Variants in PLSCR5 observed in about 807,000 individuals in gnomAD.
PLSCR5 encodes the protein phospholipid scramblase family, member 5.
A neutral mutation model predicts 33.6 loss-of-function variants in PLSCR5; 44 were observed. The observed-to-expected ratio is 1.31, with a 90% CI of 1.03 to 1.69. The LOEUF (loss-of-function observed/expected upper bound fraction) is 1.69. PLSCR5 is among the 40% of genes most tolerant of loss of function. PLSCR5 has a pLI of 0.00. For synonymous variants in PLSCR5, 148 were observed against 112.3 expected, an observed-to-expected ratio of 1.32 and a Z score of -2.01; for missense variants, 375 against 318.7, an observed-to-expected ratio of 1.18 and a Z score of -1.34.
At chr3:146,596,109 A>C (rs2044758643) in intron 2 of PLSCR5, among the ~76,000 whole-genome samples, 2 of 152,242 alleles carry the variant, frequency 1.3e-5, no homozygotes, top group South Asian at 4.1e-4. Flanking sequence ...ATGATGATTA[A>C]ATTAAAAAAT....
chr3:146,591,668 CAA>C, intron 5 of PLSCR5, 50 bp downstream of exon 5: 1 of 1,490,224 alleles, frequency 6.7e-7, no homozygotes, highest in Non-Finnish European at 9.0e-7. Flanking sequence ...AATTATGTTG[CAA>C]AAAAAAATCA....
chr3:146,599,914 A>G (rs377528600), intron 2 of PLSCR5, among the ~76,000 whole-genome samples: 1 of 151,976 alleles, frequency 6.6e-6, no homozygotes, highest in South Asian at 2.1e-4. Flanking sequence ...TCCACATGCC[A>G]TGGGCTCCCA....
intron 2 of PLSCR5, among the ~76,000 whole-genome samples, chr3:146,598,373 T>C (rs2044780764): frequency 6.6e-6 from 1 of 152,192 alleles, no homozygotes; most frequent in South Asian, 2.1e-4. Context: ...ATATGTGCAC[T>C]GCTTTAAAGT....
chr3:146,584,420 G>C (rs1481429503), downstream of PLSCR5, among the ~76,000 whole-genome samples: 2 of 152,126 alleles, frequency 1.3e-5, no homozygotes, highest in Non-Finnish European at 2.9e-5. Context: ...AAAGGTTTTT[G>C]TTCCCTTCTA....
Position 146,600,323 on chromosome 3 carries a change from C to A in PLSCR5, c.154G>T (p.Val52Phe). 6.2e-7 allele frequency: 1 copy of A among 1,603,276 alleles called. No homozygotes were observed. The highest frequency in any genetic ancestry group is 8.5e-7 in the Non-Finnish European group (1 of 1,174,014). The change falls in exon 2 of 8, where the codon GTC becomes TTC. Residue 52 changes from valine (V) to phenylalanine (F), a missense_variant. By Grantham distance (50) the Val-to-Phe change is conservative. Transcript: ENST00000443512. ...LPLPSSFLPT[V>F]SLPPGLEYLS... ...TATTCTAGACCAGGAGGGAGACTGACTGTTGGCAGGAAACTGCTTGGCAGA... is the reference window on the plus strand; with the variant it reads ...TATTCTAGACCAGGAGGGAGACTGAATGTTGGCAGGAAACTGCTTGGCAGA...
chr3:146,594,252 T>C (rs979643865), intron 3 of PLSCR5, 112 bp from the exon 4 acceptor site: 4 of 751,436 alleles, frequency 5.3e-6, no homozygotes, highest in Non-Finnish European at 8.4e-6. Context: ...TTATTAAATA[T>C]ATGGTATCTT....
Position 146,589,669 on chromosome 3 carries a change from C to A in PLSCR5, c.761G>T (p.Gly254Val). Residue 254 changes from glycine (G) to valine (V), a missense_variant, in exon 6 of 8, where the codon GGT (glycine) becomes GTT (valine). Gly to Val is a moderately radical substitution (Grantham distance 109, BLOSUM62 -3). Transcript: ENST00000443512. Reference protein sequence around the residue: ...LDVTVKAAMIGACFLFDFMFF... With the variant: ...LDVTVKAAMIVACFLFDFMFF... ...CATACTTACAAAGAGAAAACAGGCA[C>A]CGATCATTGCTGCTTTGACTGTTAC... 6.3e-7 allele frequency: 1 copy of A among 1,588,004 alleles called. No individual in the cohort carries two copies. Among genetic ancestry groups the A allele is most frequent in the Non-Finnish European group, 8.6e-7 (1 of 1,163,394 alleles).
intron 3 of PLSCR5, among the ~76,000 whole-genome samples, chr3:146,594,451 A>C (rs2044742036): frequency 6.6e-6 from 1 of 152,114 alleles, no homozygotes; most frequent in African/African-American, 2.4e-5. Context: ...CTCAAAAAAT[A>C]ATTATATTAT....
chr3:146,584,587 G>A (rs1361581907), downstream of PLSCR5, among the ~76,000 whole-genome samples: 1 of 152,116 alleles, frequency 6.6e-6, no homozygotes, highest in Non-Finnish European at 1.5e-5. Context: ...TGTTATGGTC[G>A]ATTGAGGCAA....
rs34180865 is a variant in PLSCR5, at chr3:146,599,679, C to CTT, written c.189+607_189+608dup. Among the ~76,000 whole-genome samples the CTT allele has an allele frequency of 2.7e-3, 381 of 139,214 alleles. 1 individual carries two copies. The highest frequency in any genetic ancestry group is 8.8e-3 in the African/African-American group (329 of 37,566). 91.3% of individuals were successfully genotyped at this position (139,214 alleles called of 152,430 possible). A position where few individuals can be genotyped will look rare whatever the true frequency, so the allele number is the denominator to read the frequency against. On this transcript the variant is annotated intron_variant, in intron 2 of 7. Coordinates refer to ENST00000443512, the MANE Select transcript of PLSCR5 (RefSeq NM_001085420.2). ...TATGTTAGAAAATTTCTTTTCTTTT[C>CTT]TTTTTTTTTTTTTTTCCAAGGCAAG...
chr3:146,582,722 C>G (rs1282946077), downstream of PLSCR5, among the ~76,000 whole-genome samples: 3 of 152,068 alleles, frequency 2.0e-5, no homozygotes, highest in Non-Finnish European at 4.4e-5. Context: ...GAAAGGCCAC[C>G]AGGTTAAAAG....
Position 146,598,423 on chromosome 3 carries a change from T to A in PLSCR5, c.189+1865A>T, listed in dbSNP as rs528458714. On this transcript the variant is annotated intron_variant, in intron 2 of 7. Transcript: ENST00000443512. Reference sequence around the variant, plus strand: ...TTCTTTTAGTATAAAGTGAGGAAATTACCTTTCCCTTTAGAAGTAGAATAT... The same window carrying A: ...TTCTTTTAGTATAAAGTGAGGAAATAACCTTTCCCTTTAGAAGTAGAATAT... 2.0e-5 allele frequency among the ~76,000 whole-genome samples: 3 copies of A among 152,326 alleles called. No individual in the cohort carries two copies. The South Asian group carries it at 6.2e-4, about 32-fold the overall frequency.
chr3:146,578,861 T>G (rs996176855), intron 7 of PLSCR5, among the ~76,000 whole-genome samples: 1 of 152,098 alleles, frequency 6.6e-6, no homozygotes, highest in Non-Finnish European at 1.5e-5. Context: ...CAAAAATGCC[T>G]TGAAATGCAT....
chr3:146,590,442 C>T lies in PLSCR5; in HGVS notation c.616-628G>A, dbSNP rs553667109. ...TAAAAAAATCCTCCTGGTTAATGTA[C>T]CATATAGGAAGTTAAGACCAACTAG... is the stretch of plus-strand genomic sequence containing the variant. On this transcript the variant is annotated intron_variant, in intron 5 of 7. Transcript: ENST00000443512. The T allele has an allele frequency of 2.0e-5, 3 of 151,956 alleles. 1 individual carries two copies. The highest frequency in any genetic ancestry group is 4.8e-5 in the African/African-American group (2 of 41,496). The allele number at this position is 151,956 out of a possible 1,614,324, so 9.4% of individuals were successfully genotyped here.
intron 2 of PLSCR5, among the ~76,000 whole-genome samples, chr3:146,598,053 AT>A (rs1417400248): frequency 1.3e-5 from 2 of 152,118 alleles, no homozygotes; most frequent in Admixed American, 6.6e-5. Flanking sequence ...TTTAATGTAC[AT>A]TATATAGCTA....
At chr3:146,598,256 T>C (rs1024573865) in intron 2 of PLSCR5, among the ~76,000 whole-genome samples, 1 of 152,168 alleles carries the variant, frequency 6.6e-6, no homozygotes, top group Non-Finnish European at 1.5e-5. Flanking sequence ...TTATTTTGTT[T>C]GATTTTTGTG....
In PLSCR5 at chr3:146,591,732, A is replaced by G. The variant is rs1284370951; in HGVS notation, c.603T>C (p.Asp201=). 3 of 1,610,014 alleles carry G rather than the reference A, an allele frequency of 1.9e-6. No homozygotes were observed. Among genetic ancestry groups the G allele is most frequent in the East Asian group, 2.2e-5 (1 of 44,728 alleles). Residue 201 remains aspartate (D), a synonymous_variant, in exon 5 of 8, where the codon GAT becomes GAC. Transcript: ENST00000443512. ...TTGTCAATTGTACCTCAAAATCCAC[A>G]TCGCCAAAACAGCCACATGTCACAC... is the stretch of plus-strand genomic sequence containing the variant. ...GPCVTCGCFG[D]VDFEVKTINE...
chr3:146,599,570 G>A (rs2044792795), intron 2 of PLSCR5, among the ~76,000 whole-genome samples: 1 of 151,480 alleles, frequency 6.6e-6, no homozygotes, highest in South Asian at 2.1e-4. Flanking sequence ...GGTAAGAGGG[G>A]CTAGGTTTCG....
downstream of PLSCR5, among the ~76,000 whole-genome samples, chr3:146,584,283 C>T (rs2044651816): frequency 6.6e-6 from 1 of 152,168 alleles, no homozygotes; most frequent in African/African-American, 2.4e-5. Flanking sequence ...ATGCTAAGCT[C>T]TTCTTCATCA....
Sources: gnomAD v4.1 joint callset for allele counts (sites outside exome capture counted in the v4.1 genomes callset) on GRCh38, gnomAD v4.1.1 for gene constraint, MANE v1.5 for transcripts, NCBI Gene and HGNC (gene_info 2026-07-23, HGNC 2026-07-21) for gene names.